MAP3K7: variants seen among roughly 807,000 people sequenced by gnomAD.
MAP3K7 encodes the protein TGF-beta activated kinase 1.
In MAP3K7, 21 loss-of-function variants were observed where a neutral mutation model predicts 84.8. The observed-to-expected ratio is 0.25, with a 90% CI of 0.18 to 0.36. The LOEUF is 0.36. Ranked by LOEUF, MAP3K7 falls within the 10% of genes least tolerant of loss-of-function variation. The pLI is 1.00. For missense variants in MAP3K7, 503 were observed against 747.7 expected, an observed-to-expected ratio of 0.67 and a Z score of 3.82; for synonymous variants, 241 against 247.7, an observed-to-expected ratio of 0.97 and a Z score of 0.25.
chr6:90,574,097 C>G (rs1358224223), intron 1 of MAP3K7, among the ~76,000 whole-genome samples: 3 of 152,142 alleles, frequency 2.0e-5, no homozygotes, highest in African/African-American at 7.2e-5. Flanking sequence ...TAATGGTGGA[C>G]AAGTTTGAGT....
chr6:90,536,628 C>T, intron 12 of MAP3K7: 1 of 505,634 alleles, frequency 2.0e-6, no homozygotes, highest in Non-Finnish European at 3.6e-6. Context: ...TGCTGGCCTA[C>T]AACAGAGTAT....
At chr6:90,535,792 C>T (rs1489497468) in intron 13 of MAP3K7, among the ~76,000 whole-genome samples, 1 of 152,062 alleles carries the variant, frequency 6.6e-6, no homozygotes, top group Admixed American at 6.6e-5. Context: ...AAATCTTAAC[C>T]ACTGGAATAG....
At chr6:90,577,391 T>A (rs1238840670) in intron 1 of MAP3K7, among the ~76,000 whole-genome samples, 1 of 152,208 alleles carries the variant, frequency 6.6e-6, no homozygotes, top group East Asian at 1.9e-4. Context: ...GAAACGTGAG[T>A]GAGAGGATCT....
intron 1 of MAP3K7, 140 bp downstream of exon 1, chr6:90,586,624 G>C: frequency 2.7e-6 from 3 of 1,126,854 alleles, no homozygotes; most frequent in Non-Finnish European, 3.7e-6. Flanking sequence ...ACGTTACTGA[G>C]GGCTGTGGGG....
chr6:90,581,588 A>G (rs1329567592), intron 1 of MAP3K7, among the ~76,000 whole-genome samples: 2 of 152,246 alleles, frequency 1.3e-5, no homozygotes, highest in African/African-American at 4.8e-5. Flanking sequence ...TACCTGCCAC[A>G]GTACATCTCA....
At chr6:90,566,380 T>C (rs1776705379) in intron 3 of MAP3K7, among the ~76,000 whole-genome samples, 1 of 152,094 alleles carries the variant, frequency 6.6e-6, no homozygotes, top group Non-Finnish European at 1.5e-5. Flanking sequence ...GATACAAAAT[T>C]AATGTGCAAA....
chr6:90,566,690 T>C (rs1582225639), intron 3 of MAP3K7, among the ~76,000 whole-genome samples: 1 of 152,176 alleles, frequency 6.6e-6, no homozygotes, highest in South Asian at 2.1e-4. Flanking sequence ...AATGACTTTC[T>C]TCACAGAATT....
chr6:90,571,683 A>G lies in MAP3K7; in HGVS notation c.231+14T>C. 1 of 1,477,726 alleles carries G rather than the reference A, an allele frequency of 6.8e-7. No homozygotes were observed. The highest frequency in any genetic ancestry group is 9.3e-7 in the Non-Finnish European group (1 of 1,080,112). 91.5% of individuals were successfully genotyped at this position (1,477,726 alleles called of 1,614,324 possible). On this transcript the variant is annotated intron_variant, in intron 2 of 16. Transcript: ENST00000369329. ...AGTGCAGAACTACACAAAAGAAATGAAATCTCAACTTACCTCTACAATAAA... is the reference window on the plus strand; with the variant it reads ...AGTGCAGAACTACACAAAAGAAATGGAATCTCAACTTACCTCTACAATAAA...
At chr6:90,518,623 GAGAGTCA>G in intron 15 of MAP3K7, 61 bp from the exon 16 acceptor site, 1 of 845,768 alleles carries the variant, frequency 1.2e-6, no homozygotes, top group Non-Finnish European at 2.0e-6. Context: ...TAGCTAAGAT[GAGAGTCA>G]AGACAGAGAC....
Position 90,548,807 on chromosome 6 carries a change from A to G in MAP3K7, c.950-630T>C, listed in dbSNP as rs940588803. Among the ~76,000 whole-genome samples, 5 of 150,820 alleles carry G rather than the reference A, an allele frequency of 3.3e-5. No homozygotes were observed. In the Admixed American group the frequency reaches 3.3e-4, roughly 10 times the overall value. On this transcript the variant is annotated intron_variant, in intron 9 of 16. Coordinates refer to ENST00000369329, the MANE Select transcript of MAP3K7 (RefSeq NM_145331.3). Reference sequence around the variant, plus strand: ...AATCTAGGCTAGTATGGTATCTCGGAGGCCAACTGAAGAAAGTGCTGTCTG... The same window carrying G: ...AATCTAGGCTAGTATGGTATCTCGGGGGCCAACTGAAGAAAGTGCTGTCTG...
At chr6:90,526,068 A>T (rs1232704703) in intron 13 of MAP3K7, among the ~76,000 whole-genome samples, 1 of 152,002 alleles carries the variant, frequency 6.6e-6, no homozygotes, top group Non-Finnish European at 1.5e-5. Context: ...AGGCTGACCT[A>T]ATGGCTTCAA....
At chr6:90,549,947 G>A (rs1203702030) in intron 9 of MAP3K7, among the ~76,000 whole-genome samples, 1 of 152,058 alleles carries the variant, frequency 6.6e-6, no homozygotes, top group African/African-American at 2.4e-5. Flanking sequence ...ACTATATTTT[G>A]AGAAGTACAA....
intron 2 of MAP3K7, among the ~76,000 whole-genome samples, chr6:90,569,900 T>G (rs981212639): frequency 6.6e-6 from 1 of 152,206 alleles, no homozygotes; most frequent in Non-Finnish European, 1.5e-5. Flanking sequence ...ACATACATTA[T>G]GCTGCTGGCT....
intron 1 of MAP3K7, among the ~76,000 whole-genome samples, chr6:90,573,810 A>C (rs1160731885): frequency 6.6e-6 from 1 of 152,220 alleles, no homozygotes; most frequent in East Asian, 1.9e-4. Context: ...CTCTAGGCAA[A>C]ATTTCAAAGT....
chr6:90,537,559 C>T (rs1280339040), intron 12 of MAP3K7, among the ~76,000 whole-genome samples: 2 of 151,954 alleles, frequency 1.3e-5, no homozygotes, highest in East Asian at 3.9e-4. Context: ...AAATTTGTAA[C>T]TCCTCTTGCA....
chr6:90,548,095 A>G lies in MAP3K7; in HGVS notation c.1032T>C (p.Thr344=), dbSNP rs1776061924. 1 of 1,612,388 alleles carries G rather than the reference A, an allele frequency of 6.2e-7. No individual in the cohort carries two copies. Among genetic ancestry groups the G allele is most frequent in the Non-Finnish European group, 8.5e-7 (1 of 1,179,136 alleles). The change falls in exon 10 of 17, where the codon ACT becomes ACC. Residue 344 remains threonine (T), a synonymous_variant. Coordinates refer to ENST00000369329, the MANE Select transcript of MAP3K7 (RefSeq NM_145331.3). ...NMEQVPATND[T]IKRLESKLLK... Reference sequence around the variant, plus strand: ...ACAATTTTGATTCTAAGCGCTTAATAGTATCATTTGTGGCAGGAACTTGCT... The same window carrying G: ...ACAATTTTGATTCTAAGCGCTTAATGGTATCATTTGTGGCAGGAACTTGCT...
chr6:90,578,361 C>G (rs1777154643), intron 1 of MAP3K7, among the ~76,000 whole-genome samples: 1 of 152,174 alleles, frequency 6.6e-6, no homozygotes, highest in African/African-American at 2.4e-5. Flanking sequence ...CAGCCTCTGC[C>G]TCTCTGGCTG....
chr6:90,525,109 T>A (rs960722783), intron 13 of MAP3K7, among the ~76,000 whole-genome samples: 14 of 150,978 alleles, frequency 9.3e-5, no homozygotes, highest in African/African-American at 3.2e-4. Flanking sequence ...TTAAGATATT[T>A]AAAAAAAAAT....
rs549215529 is a variant in MAP3K7 at position 90,540,414 on chromosome 6, A to G, written c.1292-4013T>C. ...TAATCTAATCTGAACTAAGAAATAA[A>G]TTTATCTATGATGATATAATAGCAT... On this transcript the variant is annotated intron_variant, in intron 12 of 16. Transcript: ENST00000369329. Among the ~76,000 whole-genome samples, 11 of 151,990 alleles carry G rather than the reference A, an allele frequency of 7.2e-5. No individual in the cohort carries two copies. The East Asian group carries it at 2.1e-3, about 29-fold the overall frequency.
Sources: gnomAD v4.1 joint callset for allele counts (sites outside exome capture counted in the v4.1 genomes callset) on GRCh38, gnomAD v4.1.1 for gene constraint, MANE v1.5 for transcripts, NCBI Gene and HGNC (gene_info 2026-07-23, HGNC 2026-07-21) for gene names.